Variants in GRK3 observed in about 807,000 individuals in gnomAD.
The protein encoded by GRK3 is adrenergic, beta, receptor kinase 2.
Under a neutral mutation model 95.7 loss-of-function variants are expected in GRK3, and 54 were observed. The observed-to-expected ratio is 0.56, with a 90% CI of 0.45 to 0.71. The LOEUF is 0.71. Ranked by LOEUF, GRK3 falls within the 30% of genes least tolerant of loss-of-function variation. The probability of loss-of-function intolerance (pLI) is 0.00; values close to 1 mark genes in which losing one functional copy is unlikely to be tolerated. For missense variants in GRK3, 649 were observed against 851.2 expected (o/e 0.76, Z 2.96); for synonymous variants, 281 against 290.8 (o/e 0.97, Z 0.34).
chr22:25,587,531 C>G (rs1932355586), intron 1 of GRK3, among the ~76,000 whole-genome samples: 1 of 152,162 alleles, frequency 6.6e-6, no homozygotes, highest in South Asian at 2.1e-4. Context: ...CAGGCTTAAG[C>G]AATCCTGCCA....
chr22:25,692,543 G>T (rs1228176352), intron 12 of GRK3, among the ~76,000 whole-genome samples: 1 of 152,232 alleles, frequency 6.6e-6, no homozygotes, highest in Non-Finnish European at 1.5e-5. Context: ...CGAACGAGCA[G>T]CCCTGAGAAC....
chr22:25,687,815 C>T (rs1372036757), intron 11 of GRK3, 148 bp downstream of exon 11: 2 of 840,188 alleles, frequency 2.4e-6, no homozygotes, highest in East Asian at 5.3e-5. Context: ...GACATTTTAT[C>T]TCCTCTAGAC....
intron 8 of GRK3, among the ~76,000 whole-genome samples, chr22:25,676,982 C>T (rs765428852): frequency 9.2e-5 from 14 of 152,242 alleles, no homozygotes; most frequent in Middle Eastern, 3.4e-3. Flanking sequence ...TCTTTGATAC[C>T]TTCTAAACAG....
intron 1 of GRK3, among the ~76,000 whole-genome samples, chr22:25,568,241 A>G (rs1931562108): frequency 1.3e-5 from 2 of 152,212 alleles, no homozygotes; most frequent in South Asian, 4.1e-4. Flanking sequence ...AAGGCCCACA[A>G]AGGGTCATCA....
At chr22:25,704,028 G>C in intron 14 of GRK3, 81 bp from the exon 15 acceptor site, 1 of 996,490 alleles carries the variant, frequency 1.0e-6, no homozygotes, top group Non-Finnish European at 1.6e-6. Context: ...GCTTATCCCA[G>C]TAATAGTCTT....
At chr22:25,626,628 GGTTATAA>G (rs1473261620) in intron 2 of GRK3, among the ~76,000 whole-genome samples, 1 of 152,200 alleles carries the variant, frequency 6.6e-6, no homozygotes, top group Non-Finnish European at 1.5e-5. Context: ...ATATTCAGTT[GGTTATAA>G]GTTAAAATGA....
At position 25,718,283 on chromosome 22, in the gene GRK3, A is replaced by C; in HGVS notation, c.1693A>C (p.Met565Leu). Reference protein sequence around the residue: ...LGKDCIMHGYMLKLGNPFLTQ... With the variant: ...LGKDCIMHGYLLKLGNPFLTQ... ...GAAGGACTGTATTATGCACGGGTAC[A>C]TGCTGAAACTGGGAAACCCATTTCT... Residue 565 changes from methionine to leucine, a missense_variant, in exon 19 of 21, where the codon ATG becomes CTG. Coordinates refer to ENST00000324198, the MANE Select transcript of GRK3 (RefSeq NM_005160.4). The C allele has an allele frequency of 6.2e-7, 1 of 1,614,154 alleles. No individual in the cohort carries two copies. The highest frequency in any genetic ancestry group is 8.5e-7 in the Non-Finnish European group (1 of 1,179,994).
intron 12 of GRK3, among the ~76,000 whole-genome samples, chr22:25,693,016 T>G (rs2085177278): frequency 6.6e-6 from 1 of 152,230 alleles, no homozygotes; most frequent in Non-Finnish European, 1.5e-5. Context: ...GAGCTTAGAC[T>G]TAGTCCATTT....
intron 1 of GRK3, among the ~76,000 whole-genome samples, chr22:25,576,689 C>A (rs190445734): frequency 1.3e-5 from 2 of 152,252 alleles, no homozygotes; most frequent in East Asian, 3.9e-4. Context: ...TTTCTGATTC[C>A]AAATTCAGCG....
chr22:25,703,199 C>A (rs1022728553), intron 13 of GRK3, among the ~76,000 whole-genome samples: 5 of 152,088 alleles, frequency 3.3e-5, no homozygotes, highest in Non-Finnish European at 7.4e-5. Context: ...GACTTTTATT[C>A]TCATGATTAC....
chr22:25,576,237 G>A (rs939724914), intron 1 of GRK3, among the ~76,000 whole-genome samples: 1 of 152,058 alleles, frequency 6.6e-6, no homozygotes, highest in African/African-American at 2.4e-5. Flanking sequence ...AGGTGGTATA[G>A]CGAGCACAGA....
At chr22:25,663,828 G>A in intron 5 of GRK3, 124 bp downstream of exon 5, 1 of 658,900 alleles carries the variant, frequency 1.5e-6, no homozygotes, top group African/African-American at 1.8e-5. Flanking sequence ...TTCTATTCTG[G>A]AGCTTTGTCT....
chr22:25,721,762 G>A (rs970310799), intron 20 of GRK3, among the ~76,000 whole-genome samples: 5 of 152,168 alleles, frequency 3.3e-5, no homozygotes, highest in African/African-American at 4.8e-5. Flanking sequence ...TTCTCTAAAC[G>A]AAAATGCCAT....
chr22:25,647,149 A>T (rs942602479), intron 3 of GRK3: 1 of 417,632 alleles, frequency 2.4e-6, no homozygotes, highest in Non-Finnish European at 4.3e-6. Flanking sequence ...GAGGACGAGG[A>T]GGTGGAGGAA....
At chr22:25,586,599 G>T (rs1178777192) in intron 1 of GRK3, among the ~76,000 whole-genome samples, 1 of 152,302 alleles carries the variant, frequency 6.6e-6, no homozygotes, top group Non-Finnish European at 1.5e-5. Context: ...ACAGAGGTGG[G>T]AGGGCTCACC....
chr22:25,578,139 A>G (rs1931970606), intron 1 of GRK3, among the ~76,000 whole-genome samples: 1 of 151,628 alleles, frequency 6.6e-6, no homozygotes, highest in South Asian at 2.1e-4. Context: ...GAAATTCATG[A>G]TTTTTTTTTC....
intron 3 of GRK3, among the ~76,000 whole-genome samples, chr22:25,650,220 T>G (rs1464576869): frequency 3.3e-5 from 5 of 152,132 alleles, no homozygotes; most frequent in Admixed American, 6.5e-5. Flanking sequence ...TTTTTATATC[T>G]TTAGTAGAGA....
At chr22:25,678,978 T>A (rs2085053873) in intron 9 of GRK3, 63 bp downstream of exon 9, 1 of 1,156,084 alleles carries the variant, frequency 8.6e-7, no homozygotes, top group Non-Finnish European at 1.3e-6. Context: ...GCAGGATGAT[T>A]TATTATTTTT....
intron 1 of GRK3, among the ~76,000 whole-genome samples, chr22:25,583,708 G>C (rs762982435): frequency 4.6e-5 from 7 of 152,136 alleles, no homozygotes; most frequent in Non-Finnish European, 1.0e-4. Context: ...GAACAGATGA[G>C]TTGTCTTTTC....
Sources: allele counts gnomAD v4.1 joint callset (sites outside exome capture counted in the v4.1 genomes callset), GRCh38; gene constraint gnomAD v4.1.1; transcripts MANE v1.5; gene names NCBI Gene and HGNC (gene_info 2026-07-23, HGNC 2026-07-21).